The following DPH5 variants were observed in gnomAD, a reference collection of about 807,000 sequenced individuals.
DPH5 encodes the protein diphthamide biosynthesis 5, also known as diphthine methyl ester synthase.
A neutral mutation model predicts 31.6 loss-of-function variants in DPH5; 31 were observed. That is an observed-to-expected ratio of 0.98 (90% confidence interval 0.74 to 1.32). The LOEUF is 1.32. DPH5 is among the 40% of genes most tolerant of loss of function. The pLI is 0.00. For missense variants in DPH5, 309 were observed against 335.7 expected (o/e 0.92, Z 0.62); for synonymous variants, 120 against 115.0 (o/e 1.04, Z -0.28).
At chr1:100,997,340 A>G (rs932884367) in intron 5 of DPH5, among the ~76,000 whole-genome samples, 1 of 152,088 alleles carries the variant, frequency 6.6e-6, no homozygotes, top group South Asian at 2.1e-4. Flanking sequence ...TTCTGAAAAG[A>G]TAAGTGCTGC....
intron 2 of DPH5, among the ~76,000 whole-genome samples, chr1:101,024,094 A>C (rs550149163): frequency 6.6e-6 from 1 of 152,290 alleles, no homozygotes; most frequent in South Asian, 2.1e-4. Flanking sequence ...AATGAGAAAA[A>C]AAAATGTTTT....
chr1:101,011,895 C>CTTTTTTTTTTTTTTTTTTT, intron 4 of DPH5, among the ~76,000 whole-genome samples: 1 of 108,156 alleles, frequency 9.2e-6, no homozygotes, highest in Non-Finnish European at 1.9e-5. Flanking sequence ...ATTATCAATT[C>CTTTTTTTTTTTTTTTTTTT]TTTTTTTTTT....
rs369815138 is a variant in DPH5, at chr1:101,013,806, G to A, written c.273C>T (p.His91=). The change falls in exon 4 of 8, where the codon CAC becomes CAT. Residue 91 remains histidine, a synonymous_variant. Coordinates refer to ENST00000370109, the MANE Select transcript of DPH5 (RefSeq NM_015958.3). ...TTGTTGCTCTTAGAACAAGATCACT[G>A]TGTGTTGTGGCCCTGTAGTGAGAAA... is the stretch of plus-strand genomic sequence containing the variant. ...VVGDPFGATT[H]SDLVLRATKL... 4 of 1,611,928 alleles carry A rather than the reference G, an allele frequency of 2.5e-6. No individual in the cohort carries two copies. Among genetic ancestry groups the A allele is most frequent in the African/African-American group, 2.7e-5 (2 of 74,826 alleles).
chr1:101,013,722 G>A lies in DPH5; in HGVS notation c.357C>T (p.Cys119=). Residue 119 remains cysteine (C), a synonymous_variant, in exon 4 of 8, where the codon TGC becomes TGT. Transcript: ENST00000370109. ...HNASIMNAVG[C]CGLQLYKFGE... Reference sequence around the variant, plus strand: ...TTTGTTGCATTACCTGTAAACCACAGCAGCCTACAGCATTCATTATGGAGG... The same window carrying A: ...TTTGTTGCATTACCTGTAAACCACAACAGCCTACAGCATTCATTATGGAGG... 1 of 1,599,682 alleles carries A rather than the reference G, an allele frequency of 6.3e-7. No individual in the cohort carries two copies. The highest frequency in any genetic ancestry group is 2.2e-5 in the East Asian group (1 of 44,660).
In DPH5 at chr1:101,025,462, AG is replaced by A; in HGVS notation, c.-20del. 1 of 1,613,548 alleles carries A rather than the reference AG, an allele frequency of 6.2e-7. No individual in the cohort carries two copies. Among genetic ancestry groups the A allele is most frequent in the East Asian group, 2.2e-5 (1 of 44,882 alleles). ...AAAGCATTTCAAACTTGAGGAGAAG[AG>A]AGACTGCAAGACGAAGTGGACAGAA... On this transcript the variant is annotated 5_prime_UTR_variant, in exon 2 of 8. Transcript: ENST00000370109.
At chr1:101,008,713 C>T (rs1051941892) in intron 4 of DPH5, among the ~76,000 whole-genome samples, 3 of 152,224 alleles carry the variant, frequency 2.0e-5, no homozygotes, top group African/African-American at 7.2e-5. Flanking sequence ...CCAAGACTCT[C>T]TCTTTTAACT....
intron 3 of DPH5, among the ~76,000 whole-genome samples, chr1:101,014,928 A>G (rs1006382981): frequency 6.6e-6 from 1 of 152,192 alleles, no homozygotes; most frequent in African/African-American, 2.4e-5. Flanking sequence ...TTATCCTAAG[A>G]TTGAAGTAAT....
At chr1:101,007,607 C>T (rs772235329) in intron 4 of DPH5, among the ~76,000 whole-genome samples, 2 of 151,702 alleles carry the variant, frequency 1.3e-5, no homozygotes, top group South Asian at 2.1e-4. Flanking sequence ...CCCAGCTACT[C>T]GGGAGGCTGA....
At chr1:100,997,754 C>T (rs1658494103) in intron 5 of DPH5, among the ~76,000 whole-genome samples, 2 of 152,190 alleles carry the variant, frequency 1.3e-5, no homozygotes, top group South Asian at 2.1e-4. Flanking sequence ...TAGAACCTTT[C>T]AGTACTGTTA....
chr1:101,024,305 G>A (rs903510144), intron 2 of DPH5, among the ~76,000 whole-genome samples: 15 of 152,112 alleles, frequency 9.9e-5, no homozygotes, highest in Admixed American at 9.2e-4. Context: ...AGCTACTCGA[G>A]AGGTTGAGGT....
chr1:100,994,312 T>C (rs1233215623), intron 6 of DPH5, among the ~76,000 whole-genome samples: 3 of 152,234 alleles, frequency 2.0e-5, no homozygotes, highest in Admixed American at 1.3e-4. Context: ...AGTATCATTT[T>C]TTAATTAATT....
At chr1:101,006,109 G>C (rs140005883) in intron 4 of DPH5, among the ~76,000 whole-genome samples, 3 of 152,282 alleles carry the variant, frequency 2.0e-5, no homozygotes, top group African/African-American at 7.2e-5. Context: ...CAGCCATGCT[G>C]AACTGTGATT....
chr1:101,009,090 T>G (rs932221632), intron 4 of DPH5, among the ~76,000 whole-genome samples: 6 of 152,198 alleles, frequency 3.9e-5, no homozygotes, highest in Admixed American at 1.3e-4. Flanking sequence ...TTAACATACA[T>G]GTATTTAATA....
intron 4 of DPH5, among the ~76,000 whole-genome samples, chr1:101,004,660 T>C (rs1229619694): frequency 1.3e-5 from 2 of 152,096 alleles, no homozygotes; most frequent in African/African-American, 2.4e-5. Flanking sequence ...AAGACAATAG[T>C]AGGTAGTAGT....
intron 4 of DPH5, among the ~76,000 whole-genome samples, chr1:101,011,864 C>T (rs1227857598): frequency 7.0e-6 from 1 of 142,836 alleles, no homozygotes; most frequent in East Asian, 2.0e-4. Context: ...AATTTCTCTC[C>T]TTTTTTTCTT....
intron 2 of DPH5, among the ~76,000 whole-genome samples, chr1:101,024,602 A>G (rs1424010939): frequency 6.6e-6 from 1 of 152,196 alleles, no homozygotes; most frequent in African/African-American, 2.4e-5. Flanking sequence ...CCCATAACAT[A>G]TGTATTAATC....
chr1:101,016,856 TA>T (rs1660119038), intron 3 of DPH5, among the ~76,000 whole-genome samples: 1 of 152,224 alleles, frequency 6.6e-6, no homozygotes. Context: ...TTAATTGACC[TA>T]ACTTCAATAT....
chr1:101,013,530 G>T, intron 4 of DPH5, 180 bp downstream of exon 4: 1 of 419,438 alleles, frequency 2.4e-6, no homozygotes, highest in African/African-American at 2.0e-5. Flanking sequence ...CAATAAGGGG[G>T]AAAACCTAGC....
Position 100,990,636 on chromosome 1 carries a change from TA to T in DPH5, c.635-6del, listed in dbSNP as rs375338713. On this transcript the variant is annotated splice_region_variant and splice_polypyrimidine_tract_variant and intron_variant, in intron 7 of 7. Coordinates refer to ENST00000370109, the MANE Select transcript of DPH5 (RefSeq NM_015958.3). ...AAAGTGTCTCCTCGGTAACTGCTAT[TA>T]AAAAAAAAAGATACTGCTATTCAAT... is the stretch of plus-strand genomic sequence containing the variant. 1.8e-3 allele frequency: 2,620 copies of T among 1,431,418 alleles called. 3 individuals carry two copies. The highest frequency in any genetic ancestry group is 0.011 in the Admixed American group (562 of 50,432). 88.7% of individuals were successfully genotyped at this position (1,431,418 alleles called of 1,614,324 possible).
Sources: gnomAD v4.1 joint callset for allele counts (sites outside exome capture counted in the v4.1 genomes callset) on GRCh38, gnomAD v4.1.1 for gene constraint, MANE v1.5 for transcripts, NCBI Gene and HGNC (gene_info 2026-07-23, HGNC 2026-07-21) for gene names.